TEX15: variants seen among roughly 807,000 people sequenced by gnomAD.
TEX15 encodes the protein testis expressed 15, meiosis and synapsis associated.
A neutral mutation model predicts 237.3 loss-of-function variants in TEX15; 171 were observed. The observed-to-expected ratio is 0.72, with a 90% CI of 0.64 to 0.82. The LOEUF is 0.82. TEX15 is among the 40% of genes least tolerant of loss of function. TEX15 has a pLI of 0.00. For missense variants in TEX15, 3,750 were observed against 3,646.5 expected, an observed-to-expected ratio of 1.03 and a Z score of -0.73; for synonymous variants, 1,338 against 1,269.8, an observed-to-expected ratio of 1.05 and a Z score of -1.14.
chr8:30,837,600 G>A lies in TEX15; in HGVS notation c.8684C>T (p.Ser2895Leu). Reference protein sequence around the residue: ...VSLVPDASVLSKPIFCFVKDV... With the variant: ...VSLVPDASVLLKPIFCFVKDV... Reference sequence around the variant, plus strand: ...TTTCACAAAACAGAAAATTGGCTTTGAGAGCACCGACGCATCAGGCACAAG... The same window carrying A: ...TTTCACAAAACAGAAAATTGGCTTTAAGAGCACCGACGCATCAGGCACAAG... The change falls in exon 10 of 11, where the codon TCA (serine) becomes TTA (leucine). Residue 2895 changes from serine to leucine, a missense_variant. Coordinates refer to ENST00000643185, the MANE Select transcript of TEX15 (RefSeq NM_001350162.2). 1 of 1,614,078 alleles carries A rather than the reference G, an allele frequency of 6.2e-7. No homozygotes were observed. The highest frequency in any genetic ancestry group is 8.5e-7 in the Non-Finnish European group (1 of 1,179,968).
At chr8:30,867,117 A>G (rs1585298033) in intron 5 of TEX15, 148 bp downstream of exon 5, 2 of 336,622 alleles carry the variant, frequency 5.9e-6, no homozygotes, top group East Asian at 9.2e-5. Context: ...AATTTTGAAT[A>G]ATGATGACAA....
chr8:30,912,334 T>TCATGGAGGC (rs1440679200), intron 1 of TEX15, among the ~76,000 whole-genome samples: 84,452 of 150,744 alleles, frequency 0.56, 27,350 homozygotes, highest in East Asian at 0.8. Context: ...GCGGCGGGGC[T>TCATGGAGGC]CCCGCCCCCT....
chr8:30,867,849 A>G (rs1378692607), intron 4 of TEX15, among the ~76,000 whole-genome samples: 1 of 152,050 alleles, frequency 6.6e-6, no homozygotes, highest in East Asian at 1.9e-4. Flanking sequence ...GTTGCTATCG[A>G]CATTTTTAAA....
chr8:30,854,548 A>G (rs1807864139), intron 7 of TEX15, among the ~76,000 whole-genome samples: 1 of 152,118 alleles, frequency 6.6e-6, no homozygotes, highest in Non-Finnish European at 1.5e-5. Flanking sequence ...TCCTTAGTGA[A>G]GTCTACCAAA....
intron 1 of TEX15, among the ~76,000 whole-genome samples, chr8:30,906,897 A>G (rs1041634402): frequency 6.6e-6 from 1 of 152,084 alleles, no homozygotes; most frequent in Non-Finnish European, 1.5e-5. Context: ...AAAAAATTGC[A>G]TTTTCTAGAG....
intron 5 of TEX15, among the ~76,000 whole-genome samples, chr8:30,861,928 C>A (rs1486842049): frequency 1.3e-5 from 2 of 152,018 alleles, no homozygotes; most frequent in Non-Finnish European, 2.9e-5. Context: ...AAACTTTAAA[C>A]TCAGGAGTAA....
At position 30,843,188 on chromosome 8, in the gene TEX15, T is replaced by C. The variant is rs757732063; in HGVS notation, c.6979A>G (p.Ile2327Val). 3 of 1,613,490 alleles carry C rather than the reference T, an allele frequency of 1.9e-6. No individual in the cohort carries two copies. Among genetic ancestry groups the C allele is most frequent in the African/African-American group, 1.3e-5 (1 of 75,028 alleles). Reference sequence around the variant, plus strand: ...TCCTCCTCAAGCCCAATAGGGGAAATTGGTTCATTGTTTAAATCTTTAGAC... The same window carrying C: ...TCCTCCTCAAGCCCAATAGGGGAAACTGGTTCATTGTTTAAATCTTTAGAC... ...TLSKDLNNEP[I>V]SPIGLEEDTI... Residue 2327 changes from isoleucine (I) to valine (V), a missense_variant, in exon 8 of 11, where the codon ATT (isoleucine) becomes GTT (valine). Transcript: ENST00000643185.
In TEX15 at chr8:30,843,320, T is replaced by C. The variant is rs1231459975; in HGVS notation, c.6847A>G (p.Arg2283Gly). ...TATTTTTTGCTGAAGGATTGTGTTC[T>C]CTCTTTCCAAACAAGATTTTTTGCA... is the stretch of plus-strand genomic sequence containing the variant. ...DAAKNLVWKERTQSFSKKYSQ... is the reference protein window; with the variant it reads ...DAAKNLVWKEGTQSFSKKYSQ... Residue 2283 changes from arginine to glycine, a missense_variant, in exon 8 of 11, where the codon AGA (arginine) becomes GGA (glycine). Coordinates refer to ENST00000643185, the MANE Select transcript of TEX15 (RefSeq NM_001350162.2). 1.2e-6 allele frequency: 2 copies of C among 1,611,768 alleles called. No individual in the cohort carries two copies. Among genetic ancestry groups the C allele is most frequent in the Non-Finnish European group, 8.5e-7 (1 of 1,179,174 alleles).
intron 9 of TEX15, 55 bp from the exon 10 acceptor site, chr8:30,838,116 T>G: frequency 7.0e-7 from 1 of 1,419,616 alleles, no homozygotes; most frequent in Non-Finnish European, 9.4e-7. Context: ...GGTCATAAAA[T>G]TTTAATGGAA....
intron 10 of TEX15, among the ~76,000 whole-genome samples, chr8:30,834,004 AACAATT>A (rs1441665326): frequency 2.6e-5 from 4 of 152,164 alleles, no homozygotes; most frequent in Non-Finnish European, 1.5e-5. Context: ...ACCCTTCTGA[AACAATT>A]ACAATCAAGA....
Position 30,844,080 on chromosome 8 carries a change from T to C in TEX15, c.6087A>G (p.Leu2029=), listed in dbSNP as rs1445189850. The C allele has an allele frequency of 6.2e-7, 1 of 1,612,566 alleles. No individual in the cohort carries two copies. Among genetic ancestry groups the C allele is most frequent in the Non-Finnish European group, 8.5e-7 (1 of 1,179,446 alleles). ...GCTTTCTTTCAAAAGCTTCCACAAATAAAGGGAGAATATTTAGACAAACCT... is the reference window on the plus strand; with the variant it reads ...GCTTTCTTTCAAAAGCTTCCACAAACAAAGGGAGAATATTTAGACAAACCT... ...ETKVCLNILP[L]FVEAFERKQE... Residue 2029 remains leucine (L), a synonymous_variant, in exon 8 of 11, where the codon TTA becomes TTG. Transcript: ENST00000643185.
At chr8:30,881,421 C>T (rs1181634524) in intron 3 of TEX15, among the ~76,000 whole-genome samples, 1 of 152,000 alleles carries the variant, frequency 6.6e-6, no homozygotes, top group East Asian at 1.9e-4. Context: ...TTTAGAACTA[C>T]ATGTGTTTAA....
chr8:30,844,935 A>G lies in TEX15; in HGVS notation c.5232T>C (p.Thr1744=). The G allele has an allele frequency of 6.2e-7, 1 of 1,613,512 alleles. No individual in the cohort carries two copies. The highest frequency in any genetic ancestry group is 1.1e-5 in the South Asian group (1 of 91,070). Residue 1744 remains threonine (T), a synonymous_variant, in exon 8 of 11, where the codon ACT becomes ACC. Transcript: ENST00000643185. The part of the protein sequence containing the change: ...KSYLDKQRIL[T]VDSFAASSTV... ...TACTGGATGCTGCAAAAGAATCTAC[A>G]GTAAGAATTCTCTGCTTATCCAAGT...
In TEX15 at chr8:30,833,294, C is replaced by G; in HGVS notation, c.9511G>C (p.Gly3171Arg). The G allele has an allele frequency of 6.3e-7, 1 of 1,591,464 alleles. No homozygotes were observed. Among genetic ancestry groups the G allele is most frequent in the Non-Finnish European group, 8.6e-7 (1 of 1,169,324 alleles). ...TAGACAGAAGACTATTTTCAGTGTCCTGGATGAAAGGATTCTTGGTGCCAT... is the reference window on the plus strand; with the variant it reads ...TAGACAGAAGACTATTTTCAGTGTCGTGGATGAAAGGATTCTTGGTGCCAT... ...APWHQESFHPGH is the reference protein window; with the variant it reads ...APWHQESFHPRH Residue 3171 changes from glycine to arginine, a missense_variant, in exon 11 of 11, where the codon GGA becomes CGA. Coordinates refer to ENST00000643185, the MANE Select transcript of TEX15 (RefSeq NM_001350162.2).
In TEX15 at chr8:30,844,015, A is replaced by G. The variant is rs1197591641; in HGVS notation, c.6152T>C (p.Leu2051Pro). The G allele has an allele frequency of 6.2e-7, 1 of 1,611,994 alleles. No individual in the cohort carries two copies. Among genetic ancestry groups the G allele is most frequent in the East Asian group, 2.2e-5 (1 of 44,862 alleles). ...SVEQILISRELLVDQNLWNNC... is the reference protein window; with the variant it reads ...SVEQILISREPLVDQNLWNNC... The stretch of plus-strand genomic sequence containing the variant: ...ATTCCACAGGTTTTGGTCTACCAAC[A>G]GTTCTCTTGAAATCAGGATTTGTTC... The change falls in exon 8 of 11, where the codon CTG (leucine) becomes CCG (proline). Residue 2051 changes from leucine to proline, a missense_variant. By Grantham distance (98) the Leu-to-Pro change is moderately conservative (BLOSUM62 -3). Coordinates refer to ENST00000643185, the MANE Select transcript of TEX15 (RefSeq NM_001350162.2).
chr8:30,833,271 G>A lies in TEX15; in HGVS notation c.*15C>T. On this transcript the variant is annotated 3_prime_UTR_variant, in exon 11 of 11. Coordinates refer to ENST00000643185, the MANE Select transcript of TEX15 (RefSeq NM_001350162.2). ...AAACTTGTTATGTCTTATTTCAATAGACAGAAGACTATTTTCAGTGTCCTG... is the reference window on the plus strand; with the variant it reads ...AAACTTGTTATGTCTTATTTCAATAAACAGAAGACTATTTTCAGTGTCCTG... 7 of 1,567,080 alleles carry A rather than the reference G, an allele frequency of 4.5e-6. No homozygotes were observed. Among genetic ancestry groups the A allele is most frequent in the Non-Finnish European group, 5.2e-6 (6 of 1,155,590 alleles).
At position 30,837,595 on chromosome 8, in the gene TEX15, G is replaced by A. The variant is rs138174561; in HGVS notation, c.8689C>T (p.Pro2897Ser). The change falls in exon 10 of 11, where the codon CCA becomes TCA. Residue 2897 changes from proline to serine, a missense_variant. Coordinates refer to ENST00000643185, the MANE Select transcript of TEX15 (RefSeq NM_001350162.2). Reference sequence around the variant, plus strand: ...ACATCTTTCACAAAACAGAAAATTGGCTTTGAGAGCACCGACGCATCAGGC... The same window carrying A: ...ACATCTTTCACAAAACAGAAAATTGACTTTGAGAGCACCGACGCATCAGGC... ...LVPDASVLSK[P>S]IFCFVKDVHP... 9.3e-5 allele frequency: 150 copies of A among 1,613,998 alleles called. No homozygotes were observed. In the African/African-American group the frequency reaches 1.9e-3, roughly 21 times the overall value.
Position 30,848,206 on chromosome 8 carries a change from C to T in TEX15, c.1961G>A (p.Ser654Asn), listed in dbSNP as rs552652005. The change falls in exon 8 of 11, where the codon AGT becomes AAT. Residue 654 changes from serine (S) to asparagine (N), a missense_variant. Physicochemically the swap from Ser to Asn is conservative, Grantham distance 46 (BLOSUM62 1). Transcript: ENST00000643185. ...DNDFTNETKI[S>N]PIDNYIVLHQ... is the part of the protein sequence containing the mutation. ...CAAAACAATGTAATTATCTATTGGA[C>T]TGATTTTTGTTTCATTAGTGAAATC... 5.0e-6 allele frequency: 8 copies of T among 1,612,288 alleles called. No homozygotes were observed. The South Asian group carries it at 8.8e-5, about 18-fold the overall frequency.
At position 30,843,998 on chromosome 8, in the gene TEX15, G is replaced by A; in HGVS notation, c.6169C>T (p.Leu2057=). The A allele has an allele frequency of 1.2e-6, 2 of 1,612,594 alleles. No homozygotes were observed. Among genetic ancestry groups the A allele is most frequent in the South Asian group, 1.1e-5 (1 of 90,818 alleles). Residue 2057 remains leucine (L), a synonymous_variant, in exon 8 of 11, where the codon CTG becomes TTG. Transcript: ENST00000643185. ...AATGTGTGTTTGCAATTATTCCACA[G>A]GTTTTGGTCTACCAACAGTTCTCTT... ...ISRELLVDQN[L]WNNCKHTLKP...
Sources: gnomAD v4.1 joint callset for allele counts (sites outside exome capture counted in the v4.1 genomes callset) on GRCh38, gnomAD v4.1.1 for gene constraint, MANE v1.5 for transcripts, NCBI Gene and HGNC (gene_info 2026-07-23, HGNC 2026-07-21) for gene names.